Variants in IQCJ observed in about 807,000 individuals in gnomAD.
The protein encoded by IQCJ is IQ domain-containing protein J.
In IQCJ, 9 loss-of-function variants were observed where a neutral mutation model predicts 11.0. That is an observed-to-expected ratio of 0.82 (90% CI 0.49 to 1.43). The LOEUF (loss-of-function observed/expected upper bound fraction) is 1.43, where lower values mean the gene tolerates loss of function less well. IQCJ is among the 40% of genes most tolerant of loss of function. The pLI, the probability that IQCJ is intolerant of heterozygous loss-of-function variation, is 0.00. For synonymous variants in IQCJ, 55 were observed against 51.3 expected (o/e 1.07, Z -0.31); for missense variants, 146 against 133.2 (o/e 1.10, Z -0.47).
intron 1 of IQCJ, among the ~76,000 whole-genome samples, chr3:159,094,540 G>C (rs1468088005): frequency 2.0e-5 from 3 of 147,468 alleles, no homozygotes; most frequent in African/African-American, 7.6e-5. Context: ...ACAGATATCA[G>C]ACCCTACCTT....
intron 1 of IQCJ, among the ~76,000 whole-genome samples, chr3:159,186,692 A>T (rs1723389463): frequency 6.6e-6 from 1 of 152,204 alleles, no homozygotes; most frequent in African/African-American, 2.4e-5. Flanking sequence ...GTTCTGTCTT[A>T]CTTTCTTTCT....
chr3:159,168,438 T>C (rs747556147), intron 1 of IQCJ, among the ~76,000 whole-genome samples: 8 of 152,330 alleles, frequency 5.3e-5, no homozygotes, highest in Middle Eastern at 6.8e-3. Context: ...ATACCTGTAA[T>C]ATAAATTTTT....
intron 1 of IQCJ, among the ~76,000 whole-genome samples, chr3:159,095,809 G>A (rs1355728052): frequency 2.0e-3 from 2 of 1,024 alleles, no homozygotes; most frequent in Non-Finnish European, 2.1e-3. Flanking sequence ...ATTGTGAATA[G>A]TGCCGCAATA....
chr3:159,078,958 C>T (rs187914075), intron 1 of IQCJ, among the ~76,000 whole-genome samples: 31 of 152,084 alleles, frequency 2.0e-4, no homozygotes, highest in Non-Finnish European at 2.5e-4. Flanking sequence ...ACACCCATGG[C>T]AATAATAATT....
At chr3:159,087,174 A>G (rs1490944698) in intron 1 of IQCJ, among the ~76,000 whole-genome samples, 1 of 152,186 alleles carries the variant, frequency 6.6e-6, no homozygotes, top group Non-Finnish European at 1.5e-5. Context: ...TATTGAGATA[A>G]TCGTGTGGTT....
chr3:159,158,275 A>G (rs116489699), intron 1 of IQCJ, among the ~76,000 whole-genome samples: 6,374 of 152,272 alleles, frequency 0.042, 209 homozygotes, highest in Non-Finnish European at 0.062. Flanking sequence ...TTACAGAGCC[A>G]TTGTATTAGA....
intron 1 of IQCJ, among the ~76,000 whole-genome samples, chr3:159,227,625 A>T (rs1184601785): frequency 6.6e-6 from 1 of 152,188 alleles, no homozygotes; most frequent in Non-Finnish European, 1.5e-5. Context: ...CTCTCAACAA[A>T]TATTAGCTAG....
intron 1 of IQCJ, among the ~76,000 whole-genome samples, chr3:159,107,155 C>T (rs1474833170): frequency 6.6e-6 from 1 of 152,090 alleles, no homozygotes; most frequent in Non-Finnish European, 1.5e-5. Flanking sequence ...CTCCTCTACC[C>T]CAAACTTCAT....
chr3:159,151,950 T>A (rs1368174924), intron 1 of IQCJ, among the ~76,000 whole-genome samples: 4 of 152,222 alleles, frequency 2.6e-5, no homozygotes, highest in Non-Finnish European at 5.9e-5. Context: ...AGATTATTTT[T>A]AAGACTCCTT....
chr3:159,257,330 A>G (rs890579146), intron 3 of IQCJ, among the ~76,000 whole-genome samples: 1 of 152,172 alleles, frequency 6.6e-6, no homozygotes, highest in Non-Finnish European at 1.5e-5. Context: ...CCCTGGGTGC[A>G]TTATTTCTGA....
chr3:159,223,850 C>G (rs768413602), intron 1 of IQCJ, among the ~76,000 whole-genome samples: 8 of 152,054 alleles, frequency 5.3e-5, no homozygotes, highest in Non-Finnish European at 7.4e-5. Flanking sequence ...AAAATTACCT[C>G]AGGCTATGTA....
In IQCJ at chr3:159,262,572, C is replaced by G; in HGVS notation, c.180C>G (p.Tyr60Ter). The change falls in exon 4 of 4, where the codon TAC (tyrosine) becomes TAG (stop). Residue 60 changes from tyrosine to a stop codon, truncating the protein, a stop_gained. Coordinates refer to ENST00000397832, the MANE Select transcript of IQCJ (RefSeq NM_001042706.3). LOFTEE classifies it high-confidence loss of function. ...GCATTCAGCGAGCATGGCGAGAGTA[C>G]CTGCAGCGGCAGGAGCCCCTGGGGA... is the stretch of plus-strand genomic sequence containing the variant. ...VKIIQRAWRE[Y>*]LQRQEPLGKR... The G allele has an allele frequency of 6.2e-7, 1 of 1,613,750 alleles. No homozygotes were observed. The highest frequency in any genetic ancestry group is 8.5e-7 in the Non-Finnish European group (1 of 1,179,778).
At chr3:159,091,063 T>G (rs1016956894) in intron 1 of IQCJ, among the ~76,000 whole-genome samples, 1 of 151,762 alleles carries the variant, frequency 6.6e-6, no homozygotes, top group African/African-American at 2.4e-5. Context: ...TGTTGACCTA[T>G]GGAAACCCTA....
At chr3:159,166,097 A>T (rs1029928264) in intron 1 of IQCJ, among the ~76,000 whole-genome samples, 2 of 152,004 alleles carry the variant, frequency 1.3e-5, no homozygotes, top group Non-Finnish European at 2.9e-5. Context: ...ATCCTAACAG[A>T]TTCATGCAAT....
chr3:159,209,389 G>C (rs751415831), intron 1 of IQCJ, among the ~76,000 whole-genome samples: 3 of 152,118 alleles, frequency 2.0e-5, no homozygotes, highest in Non-Finnish European at 2.9e-5. Flanking sequence ...CACTTCCACT[G>C]CTTAATGAAG....
intron 1 of IQCJ, among the ~76,000 whole-genome samples, 166 bp from the exon 2 acceptor site, chr3:159,245,677 T>A (rs866816322): frequency 6.6e-6 from 1 of 152,106 alleles, no homozygotes; most frequent in Non-Finnish European, 1.5e-5. Flanking sequence ...TTAGCCAGGA[T>A]GGTCTCGATC....
rs144728202 is a variant in IQCJ, at chr3:159,226,828, G to T, written c.10-19015G>T. ...CATGTTTGGCAAAGTTCTATTTTTT[G>T]ATTGGGTGATGGTCACAGGAGTTTA... On this transcript the variant is annotated intron_variant, in intron 1 of 3. Coordinates refer to ENST00000397832, the MANE Select transcript of IQCJ (RefSeq NM_001042706.3). Among the ~76,000 whole-genome samples, 107 of 152,280 alleles carry T rather than the reference G, an allele frequency of 7.0e-4. 1 individual carries two copies. Among genetic ancestry groups the T allele is most frequent in the African/African-American group, 1.7e-3 (72 of 41,570 alleles).
chr3:159,111,273 A>T (rs901612852), intron 1 of IQCJ, among the ~76,000 whole-genome samples: 2 of 152,224 alleles, frequency 1.3e-5, no homozygotes, highest in African/African-American at 4.8e-5. Context: ...ATGATTTTCT[A>T]ATTTGAAGTG....
At chr3:159,176,272 A>G (rs1339845099) in intron 1 of IQCJ, among the ~76,000 whole-genome samples, 1 of 152,030 alleles carries the variant, frequency 6.6e-6, no homozygotes, top group Non-Finnish European at 1.5e-5. Flanking sequence ...TTAAAAAGCT[A>G]AAGTTGTTTT....
Sources: allele counts gnomAD v4.1 joint callset (sites outside exome capture counted in the v4.1 genomes callset), GRCh38; gene constraint gnomAD v4.1.1; transcripts MANE v1.5; gene names NCBI Gene and HGNC (gene_info 2026-07-23, HGNC 2026-07-21).